ANXA8: variants seen among roughly 807,000 people sequenced by gnomAD.
The protein encoded by ANXA8 is VAC-beta.
Under a neutral mutation model 26.8 loss-of-function variants are expected in ANXA8, and 9 were observed. The observed-to-expected ratio is 0.34, with a 90% CI of 0.20 to 0.59. The LOEUF is 0.59. Ranked by LOEUF, ANXA8 falls within the 20% of genes least tolerant of loss-of-function variation. ANXA8 has a pLI of 0.84. For missense variants in ANXA8, 83 were observed against 238.5 expected (o/e 0.35, Z 4.29); for synonymous variants, 39 against 94.8 (o/e 0.41, Z 3.42).
the ANXA8 span, among the ~76,000 whole-genome samples, chr10:47,959,218 A>G: frequency 6.8e-6 from 1 of 147,010 alleles, no homozygotes; most frequent in Non-Finnish European, 1.5e-5. Context: ...AGGGAGTTCC[A>G]GATGTACCCA....
the ANXA8 span, among the ~76,000 whole-genome samples, chr10:47,977,490 GACTT>G: frequency 4.6e-5 from 7 of 150,872 alleles, no homozygotes; most frequent in Admixed American, 4.0e-4. Context: ...CCAGACATTG[GACTT>G]ACTATCAAAG....
the ANXA8 span, among the ~76,000 whole-genome samples, chr10:47,730,701 T>G: frequency 1.9e-3 from 277 of 146,932 alleles, no homozygotes; most frequent in African/African-American, 6.5e-3. Context: ...CCCTGGGAAT[T>G]AAAGGTTTGC....
At chr10:47,735,146 C>A in the ANXA8 span, among the ~76,000 whole-genome samples, 1 of 150,710 alleles carries the variant, frequency 6.6e-6, no homozygotes, top group East Asian at 1.9e-4. Context: ...GTCACCCAGG[C>A]TGGAGTACAG....
chr10:47,695,961 G>T, the ANXA8 span, among the ~76,000 whole-genome samples: 1 of 151,756 alleles, frequency 6.6e-6, no homozygotes, highest in Non-Finnish European at 1.5e-5. Context: ...AATCAAGTAT[G>T]TTAAGAATGC....
chr10:47,680,598 G>A, the ANXA8 span, among the ~76,000 whole-genome samples: 26 of 151,160 alleles, frequency 1.7e-4, no homozygotes, highest in East Asian at 7.7e-4. Context: ...TTGCGCCATC[G>A]CACTCCAGCC....
chr10:47,743,341 C>CACATATATATATATAT, the ANXA8 span, among the ~76,000 whole-genome samples: 10 of 53,718 alleles, frequency 1.9e-4, no homozygotes, highest in Non-Finnish European at 2.5e-4. Flanking sequence ...TATATATATA[C>CACATATATATATATAT]ATATATATAT....
At chr10:47,549,206 T>C in the ANXA8 span, 1 of 858,314 alleles carries the variant, frequency 1.2e-6, no homozygotes, top group South Asian at 1.4e-5. Context: ...ATGATCCTTT[T>C]AATAATCACA....
At chr10:47,737,460 T>C in the ANXA8 span, among the ~76,000 whole-genome samples, 2 of 151,446 alleles carry the variant, frequency 1.3e-5, no homozygotes, top group South Asian at 2.1e-4. Context: ...ATCTTTATTA[T>C]AATATGAAAT....
chr10:47,556,482 T>C, the ANXA8 span, among the ~76,000 whole-genome samples: 1 of 151,978 alleles, frequency 6.6e-6, no homozygotes, highest in South Asian at 2.1e-4. Context: ...CAACTAAGTT[T>C]ACTGTTAATC....
upstream of ANXA8, among the ~76,000 whole-genome samples, chr10:47,488,715 T>A (rs1455140850): frequency 3.4e-5 from 2 of 58,932 alleles, no homozygotes; most frequent in Non-Finnish European, 6.2e-5. Flanking sequence ...CATGTTAAAT[T>A]TTTTTTTTTT....
the ANXA8 span, among the ~76,000 whole-genome samples, chr10:47,664,807 C>A: frequency 6.9e-6 from 1 of 144,540 alleles, no homozygotes; most frequent in Non-Finnish European, 1.5e-5. Context: ...CTCACTGCAG[C>A]CTTGACCTTC....
chr10:47,902,042 ATTTTT>A, the ANXA8 span, among the ~76,000 whole-genome samples: 1 of 149,114 alleles, frequency 6.7e-6, no homozygotes, highest in Non-Finnish European at 1.5e-5. Flanking sequence ...TAATCATCTA[ATTTTT>A]TTTAACAACT....
At chr10:47,948,932 G>T in the ANXA8 span, among the ~76,000 whole-genome samples, 1 of 147,594 alleles carries the variant, frequency 6.8e-6, no homozygotes, top group African/African-American at 2.5e-5. Flanking sequence ...ATTTCATCCT[G>T]CCTGACTGCT....
At chr10:47,585,600 G>T in the ANXA8 span, among the ~76,000 whole-genome samples, 1 of 146,674 alleles carries the variant, frequency 6.8e-6, no homozygotes, top group Non-Finnish European at 1.5e-5. Flanking sequence ...GGTGGGAGAA[G>T]GGAGGAAACG....
At chr10:47,935,494 G>A in the ANXA8 span, among the ~76,000 whole-genome samples, 2 of 151,964 alleles carry the variant, frequency 1.3e-5, no homozygotes, top group Non-Finnish European at 2.9e-5. Context: ...ACCTAGAGCT[G>A]AAAAGGCCCA....
chr10:47,622,228 G>A, the ANXA8 span, among the ~76,000 whole-genome samples: 2 of 112,056 alleles, frequency 1.8e-5, 1 homozygote, highest in Admixed American at 1.9e-4. Context: ...AGTACTACCC[G>A]CTTTGTCCTC....
chr10:47,744,445 G>GGGGT, the ANXA8 span, among the ~76,000 whole-genome samples: 3 of 96,770 alleles, frequency 3.1e-5, no homozygotes, highest in Non-Finnish European at 4.4e-5. Context: ...GGGAAGAGGG[G>GGGGT]GGGCCTTGCA....
At chr10:47,518,786 T>G in the ANXA8 span, among the ~76,000 whole-genome samples, 4 of 134,296 alleles carry the variant, frequency 3.0e-5, no homozygotes, top group Non-Finnish European at 6.2e-5. Flanking sequence ...ATCATTTTTT[T>G]TCCTCTAAAA....
chr10:47,493,547 G>C, the ANXA8 span, among the ~76,000 whole-genome samples: 3 of 149,634 alleles, frequency 2.0e-5, no homozygotes, highest in African/African-American at 7.5e-5. Flanking sequence ...CTCTAGAATG[G>C]CTTCCAGACC....
Sources: gnomAD v4.1 joint callset for allele counts (sites outside exome capture counted in the v4.1 genomes callset) on GRCh38, gnomAD v4.1.1 for gene constraint, MANE v1.5 for transcripts, NCBI Gene and HGNC (gene_info 2026-07-23, HGNC 2026-07-21) for gene names.